LRFN2: variants seen among roughly 807,000 people sequenced by gnomAD.
LRFN2 encodes the protein leucine rich repeat and fibronectin type III domain containing 2.
A neutral mutation model predicts 37.3 loss-of-function variants in LRFN2; 18 were observed. That is an observed-to-expected ratio of 0.48 (90% CI 0.33 to 0.72). LRFN2 has a LOEUF of 0.72. LRFN2 is among the 30% of genes least tolerant of loss of function. LRFN2 has a pLI of 0.02. For missense variants in LRFN2, 1,006 were observed against 1,060.7 expected (o/e 0.95, Z 0.72); for synonymous variants, 556 against 466.6 (o/e 1.19, Z -2.47).
At chr6:40,534,840 C>T (rs1457773063) in intron 1 of LRFN2, among the ~76,000 whole-genome samples, 1 of 152,150 alleles carries the variant, frequency 6.6e-6, no homozygotes, top group Non-Finnish European at 1.5e-5. Context: ...ACTTACTGAG[C>T]ACTTCCTAAA....
chr6:40,427,403 C>T (rs552446327), intron 2 of LRFN2, among the ~76,000 whole-genome samples: 2 of 152,348 alleles, frequency 1.3e-5, no homozygotes, highest in East Asian at 1.9e-4. Context: ...ATGGTAGTGA[C>T]TCACAGCCAG....
intron 1 of LRFN2, among the ~76,000 whole-genome samples, chr6:40,455,927 T>C (rs1409571762): frequency 6.6e-6 from 1 of 152,232 alleles, no homozygotes; most frequent in Non-Finnish European, 1.5e-5. Context: ...CAGCCCTTGC[T>C]GAAGTCATGG....
At chr6:40,554,291 A>G (rs1293632145) in intron 1 of LRFN2, among the ~76,000 whole-genome samples, 1 of 152,126 alleles carries the variant, frequency 6.6e-6, no homozygotes, top group Non-Finnish European at 1.5e-5. Context: ...AGGCCTTTAT[A>G]TAGTGGACTA....
At chr6:40,443,839 C>T (rs376092536) in intron 1 of LRFN2, among the ~76,000 whole-genome samples, 1 of 152,158 alleles carries the variant, frequency 6.6e-6, no homozygotes, top group Admixed American at 6.5e-5. Flanking sequence ...CAGCCTTCCA[C>T]CCCTAGCCTA....
chr6:40,561,626 AC>A (rs1272893782), intron 1 of LRFN2, among the ~76,000 whole-genome samples: 2 of 152,212 alleles, frequency 1.3e-5, no homozygotes, highest in Non-Finnish European at 1.5e-5. Context: ...TTGGGCTTCC[AC>A]AGAAGGTGCC....
At chr6:40,556,193 C>T (rs1191404072) in intron 1 of LRFN2, among the ~76,000 whole-genome samples, 1 of 152,124 alleles carries the variant, frequency 6.6e-6, no homozygotes, top group African/African-American at 2.4e-5. Context: ...CTGGGAGGAG[C>T]CATGGAAATC....
At chr6:40,583,220 C>T (rs10214748) in intron 1 of LRFN2, among the ~76,000 whole-genome samples, 1 of 151,010 alleles carries the variant, frequency 6.6e-6, no homozygotes, top group African/African-American at 2.4e-5. Context: ...ACACTATATA[C>T]ATATATAGTA....
At chr6:40,414,726 G>A (rs971519152) in intron 2 of LRFN2, among the ~76,000 whole-genome samples, 2 of 152,342 alleles carry the variant, frequency 1.3e-5, no homozygotes, top group South Asian at 2.1e-4. Flanking sequence ...AAAGGCTTGA[G>A]TGAGAAGCTT....
chr6:40,496,868 T>A (rs1581750588), intron 1 of LRFN2, among the ~76,000 whole-genome samples: 1 of 152,266 alleles, frequency 6.6e-6, no homozygotes, highest in Non-Finnish European at 1.5e-5. Context: ...AGGTGCTTAT[T>A]AAAAGGACCT....
chr6:40,472,822 C>T (rs912895234), intron 1 of LRFN2, among the ~76,000 whole-genome samples: 1 of 152,146 alleles, frequency 6.6e-6, no homozygotes, highest in Non-Finnish European at 1.5e-5. Flanking sequence ...CATGTCATTC[C>T]CTAAACTGCA....
In LRFN2 at chr6:40,532,006, G is replaced by A. The variant is rs138018434; in HGVS notation, c.-19+54935C>T. ...CCATGCAGGAATTCTTCAGGTGTCC[G>A]CACAGTTCCTGCATATATGGAAGCT... On this transcript the variant is annotated intron_variant, in intron 1 of 2. Coordinates refer to ENST00000338305, the MANE Select transcript of LRFN2 (RefSeq NM_020737.3). Among the ~76,000 whole-genome samples, 808 of 152,312 alleles carry A rather than the reference G, an allele frequency of 5.3e-3. 6 individuals are homozygous for A. The highest frequency in any genetic ancestry group is 0.031 in the Middle Eastern group (9 of 294).
intron 1 of LRFN2, among the ~76,000 whole-genome samples, chr6:40,442,710 G>A (rs1225075808): frequency 6.6e-6 from 1 of 152,134 alleles, no homozygotes; most frequent in East Asian, 1.9e-4. Flanking sequence ...CCAAGGATAA[G>A]CCCAAATTTC....
At chr6:40,463,465 C>T (rs1039395503) in intron 1 of LRFN2, among the ~76,000 whole-genome samples, 2 of 152,084 alleles carry the variant, frequency 1.3e-5, no homozygotes, top group African/African-American at 4.8e-5. Context: ...ACATTCTTTC[C>T]TGGCTCAAAA....
intron 1 of LRFN2, among the ~76,000 whole-genome samples, chr6:40,550,348 G>A (rs879821961): frequency 5.3e-5 from 8 of 151,466 alleles, no homozygotes; most frequent in Non-Finnish European, 1.2e-4. Context: ...GGAAGTGTAC[G>A]GACTGGTAAT....
intron 1 of LRFN2, among the ~76,000 whole-genome samples, chr6:40,551,497 C>A (rs1048188698): frequency 6.6e-6 from 1 of 152,206 alleles, no homozygotes; most frequent in Non-Finnish European, 1.5e-5. Context: ...TACCCTTGAT[C>A]GTTTCAACTA....
intron 2 of LRFN2, among the ~76,000 whole-genome samples, chr6:40,415,645 T>C (rs1191791705): frequency 1.3e-5 from 2 of 152,184 alleles, no homozygotes; most frequent in African/African-American, 4.8e-5. Flanking sequence ...ATCACAGCTG[T>C]AGCTACTGAA....
intron 1 of LRFN2, among the ~76,000 whole-genome samples, chr6:40,490,269 T>C (rs1049109356): frequency 1.3e-5 from 2 of 152,234 alleles, no homozygotes; most frequent in Non-Finnish European, 2.9e-5. Context: ...TTTCATAAAA[T>C]CATCTTGCTT....
chr6:40,517,455 C>T (rs553543102), intron 1 of LRFN2: 1 of 152,302 alleles, frequency 6.6e-6, no homozygotes, highest in East Asian at 1.9e-4. Flanking sequence ...AAAAATCATG[C>T]TGCTCCATTT....
At chr6:40,394,954 CTTTT>C (rs3048994) in intron 2 of LRFN2, among the ~76,000 whole-genome samples, 4 of 120,796 alleles carry the variant, frequency 3.3e-5, no homozygotes, top group Non-Finnish European at 3.4e-5. Context: ...TTTTCTTTTC[CTTTT>C]TTTTTTTTTT....
Sources: gnomAD v4.1 joint callset for allele counts (sites outside exome capture counted in the v4.1 genomes callset) on GRCh38, gnomAD v4.1.1 for gene constraint, MANE v1.5 for transcripts, NCBI Gene and HGNC (gene_info 2026-07-23, HGNC 2026-07-21) for gene names.